Variants in DMRT1 observed in about 807,000 individuals in gnomAD.
DMRT1 encodes doublesex and mab-3 related transcription factor 1.
Under a neutral mutation model 32.3 loss-of-function variants are expected in DMRT1, and 7 were observed. That is an observed-to-expected ratio of 0.22 (90% CI 0.12 to 0.41). The LOEUF is 0.41. DMRT1 is among the 10% of genes least tolerant of loss of function. The pLI, the probability that DMRT1 is intolerant of heterozygous loss-of-function variation, is 1.00. For synonymous variants in DMRT1, 278 were observed against 206.1 expected (o/e 1.35, Z -2.99); for missense variants, 625 against 500.5 (o/e 1.25, Z -2.37).
chr9:954,176 A>G (rs1318887493), intron 4 of DMRT1, among the ~76,000 whole-genome samples: 2 of 152,152 alleles, frequency 1.3e-5, no homozygotes, highest in Non-Finnish European at 2.9e-5. Flanking sequence ...GTGGGCAATC[A>G]GATTGCTCTT....
chr9:921,586 G>C (rs953118184), intron 4 of DMRT1, among the ~76,000 whole-genome samples: 2 of 152,092 alleles, frequency 1.3e-5, no homozygotes, highest in African/African-American at 4.8e-5. Flanking sequence ...CACAGCAGCT[G>C]CATCGTTTTA....
chr9:957,518 T>C (rs1314132751), intron 4 of DMRT1, among the ~76,000 whole-genome samples: 1 of 152,238 alleles, frequency 6.6e-6, no homozygotes, highest in Non-Finnish European at 1.5e-5. Flanking sequence ...CAGTGTGCAC[T>C]TGGTTCTGTA....
chr9:864,061 C>T (rs114530293), intron 2 of DMRT1, among the ~76,000 whole-genome samples: 1,565 of 152,218 alleles, frequency 0.01, 23 homozygotes, highest in African/African-American at 0.036. Context: ...CGTCACTGCA[C>T]TCTTTGGAGG....
intron 2 of DMRT1, among the ~76,000 whole-genome samples, chr9:852,454 T>C (rs1589449005): frequency 6.6e-6 from 1 of 152,124 alleles, no homozygotes; most frequent in East Asian, 1.9e-4. Context: ...CTTCTTCCTC[T>C]TTGTAAATGT....
intron 2 of DMRT1, among the ~76,000 whole-genome samples, chr9:864,159 G>C (rs1340383720): frequency 6.6e-6 from 1 of 151,884 alleles, no homozygotes; most frequent in African/African-American, 2.4e-5. Context: ...CCATAGAATG[G>C]CTAAACCAAT....
chr9:875,035 C>A (rs927314008), intron 2 of DMRT1, among the ~76,000 whole-genome samples: 1 of 151,944 alleles, frequency 6.6e-6, no homozygotes, highest in African/African-American at 2.4e-5. Flanking sequence ...TGGTCTGAAT[C>A]TCTTGACCTT....
rs113730636 is a variant in DMRT1, at chr9:941,116, T to A, written c.967+24209T>A. Among the ~76,000 whole-genome samples, 915 of 152,304 alleles carry A rather than the reference T, an allele frequency of 6.0e-3. 9 individuals are homozygous for A. Among genetic ancestry groups the A allele is most frequent in the African/African-American group, 0.021 (852 of 41,558 alleles). ...TGCTATAGCCTTTATGCAAACAGTA[T>A]GGTGGGTCTTCAAAATATGAACCCA... On this transcript the variant is annotated intron_variant, in intron 4 of 4. Coordinates refer to ENST00000382276, the MANE Select transcript of DMRT1 (RefSeq NM_021951.3).
chr9:921,900 C>T (rs1210538140), intron 4 of DMRT1, among the ~76,000 whole-genome samples: 1 of 152,138 alleles, frequency 6.6e-6, no homozygotes, highest in Non-Finnish European at 1.5e-5. Flanking sequence ...TGCATCACGA[C>T]ACAGCCCTCC....
At chr9:912,590 T>TA (rs1019951546) in intron 3 of DMRT1, among the ~76,000 whole-genome samples, 32 of 152,214 alleles carry the variant, frequency 2.1e-4, no homozygotes, top group African/African-American at 7.0e-4. Context: ...AAGCGTTAGT[T>TA]AAAAAAAAGA....
rs557576220 is a variant in DMRT1, at chr9:884,693, A to G, written c.539-9219A>G. Among the ~76,000 whole-genome samples, 141 of 152,316 alleles carry G rather than the reference A, an allele frequency of 9.3e-4. 1 individual carries two copies. The South Asian group carries it at 0.029, about 31-fold the overall frequency. On this transcript the variant is annotated intron_variant, in intron 2 of 4. Coordinates refer to ENST00000382276, the MANE Select transcript of DMRT1 (RefSeq NM_021951.3). ...ATGGTAACACTTAAAACATCTGGCC[A>G]GGTGCGGTGGCTCACGCCTGTAATC...
chr9:913,137 TA>T (rs1214896235), intron 3 of DMRT1, among the ~76,000 whole-genome samples: 1 of 152,082 alleles, frequency 6.6e-6, no homozygotes, highest in South Asian at 2.1e-4. Context: ...ACTTTCATAG[TA>T]AAAAAAACAT....
intron 2 of DMRT1, among the ~76,000 whole-genome samples, chr9:849,392 C>G (rs997234463): frequency 1.1e-4 from 16 of 152,220 alleles, no homozygotes; most frequent in African/African-American, 3.9e-4. Flanking sequence ...GCAGAGAAGA[C>G]AGCAGCCATG....
chr9:912,240 G>A (rs996064970), intron 3 of DMRT1, among the ~76,000 whole-genome samples: 1 of 152,220 alleles, frequency 6.6e-6, no homozygotes, highest in East Asian at 1.9e-4. Flanking sequence ...CCGCCCCCAT[G>A]ATCCAATCAC....
intron 2 of DMRT1, among the ~76,000 whole-genome samples, chr9:850,854 C>T (rs7033169): frequency 0.44 from 66,769 of 151,392 alleles, 15,427 homozygotes; most frequent in Non-Finnish European, 0.52. Context: ...CATGGCGAAA[C>T]CCCATCTCTA....
At chr9:927,614 A>G (rs1409512213) in intron 4 of DMRT1, among the ~76,000 whole-genome samples, 2 of 152,122 alleles carry the variant, frequency 1.3e-5, no homozygotes, top group Admixed American at 6.6e-5. Flanking sequence ...ATGTATTTAT[A>G]TTTATATATA....
intron 4 of DMRT1, among the ~76,000 whole-genome samples, chr9:966,306 G>C (rs757726241): frequency 6.6e-6 from 1 of 151,836 alleles, no homozygotes; most frequent in Non-Finnish European, 1.5e-5. Flanking sequence ...ATGCATATGC[G>C]TGCTTTTTTG....
chr9:943,215 G>C (rs932908524), intron 4 of DMRT1, among the ~76,000 whole-genome samples: 1 of 152,190 alleles, frequency 6.6e-6, no homozygotes, highest in African/African-American at 2.4e-5. Flanking sequence ...AGAGTTCCTA[G>C]AGAGCCTTCC....
chr9:875,973 C>T (rs747985273), intron 2 of DMRT1, among the ~76,000 whole-genome samples: 2 of 152,136 alleles, frequency 1.3e-5, no homozygotes, highest in Non-Finnish European at 2.9e-5. Flanking sequence ...AGCTGTGTCA[C>T]CTGCCTGGCT....
chr9:960,104 C>G (rs944216245), intron 4 of DMRT1, among the ~76,000 whole-genome samples: 1 of 152,158 alleles, frequency 6.6e-6, no homozygotes, highest in South Asian at 2.1e-4. Flanking sequence ...TTTGCCCTAG[C>G]CTGATTCAGT....
Sources: allele counts gnomAD v4.1 joint callset (sites outside exome capture counted in the v4.1 genomes callset), GRCh38; gene constraint gnomAD v4.1.1; transcripts MANE v1.5; gene names NCBI Gene and HGNC (gene_info 2026-07-23, HGNC 2026-07-21).